Variants in LRRC4B observed in about 807,000 individuals in gnomAD.
LRRC4B encodes the protein leucine rich repeat containing 4B, also known as leucine-rich repeat-containing protein 4B.
LRRC4B carries 1 observed loss-of-function variant against 7.3 expected under a neutral mutation model. The ratio of observed to expected loss-of-function variants is 0.14; its 90% CI spans 0.05 to 0.65. The LOEUF (loss-of-function observed/expected upper bound fraction) is 0.65, where lower values mean the gene tolerates loss of function less well. Ranked by LOEUF, LRRC4B falls within the 30% of genes least tolerant of loss-of-function variation. The probability of loss-of-function intolerance (pLI) is 0.84; values close to 1 mark genes in which losing one functional copy is unlikely to be tolerated. For synonymous variants in LRRC4B, 500 were observed against 499.2 expected (o/e 1.00, Z -0.02); for missense variants, 730 against 1,041.6 (o/e 0.70, Z 4.12).
At chr19:50,567,497 T>C (rs1409044261) in intron 1 of LRRC4B, among the ~76,000 whole-genome samples, 4 of 149,498 alleles carry the variant, frequency 2.7e-5, no homozygotes, top group African/African-American at 9.9e-5. Flanking sequence ...CCCCTCCCCA[T>C]CACTGGCGTG....
chr19:50,537,249 T>C lies in LRRC4B; in HGVS notation c.297+11293A>G, dbSNP rs1240259159. Reference sequence around the variant, plus strand: ...TTACTAACCATGGGACCAGGACCGTTTGCAAGTGTCTTAACTCTCCTATGC... The same window carrying C: ...TTACTAACCATGGGACCAGGACCGTCTGCAAGTGTCTTAACTCTCCTATGC... On this transcript the variant is annotated intron_variant, in intron 2 of 2. Coordinates refer to ENST00000652263, the MANE Select transcript of LRRC4B (RefSeq NM_001080457.2). This position sits in a 1 kb window ranked among gnomAD's most constrained non-coding sequence, Gnocchi z 5.5. 6.6e-6 allele frequency among the ~76,000 whole-genome samples: 1 copy of C among 152,162 alleles called. No individual in the cohort carries two copies. Among genetic ancestry groups the C allele is most frequent in the Middle Eastern group, 3.2e-3 (1 of 316 alleles).
At chr19:50,531,589 G>C (rs1981062438) in intron 2 of LRRC4B, among the ~76,000 whole-genome samples, 1 of 152,214 alleles carries the variant, frequency 6.6e-6, no homozygotes, top group African/African-American at 2.4e-5. Flanking sequence ...TGAAACATGT[G>C]GCATAGGGCT....
chr19:50,566,828 G>A (rs1033066565), intron 1 of LRRC4B, among the ~76,000 whole-genome samples: 5 of 150,356 alleles, frequency 3.3e-5, no homozygotes, highest in Non-Finnish European at 7.4e-5. Context: ...TCTGGGTGAT[G>A]AAAGGTCATA....
intron 2 of LRRC4B, among the ~76,000 whole-genome samples, chr19:50,538,410 C>G (rs892956028): frequency 6.6e-6 from 1 of 152,088 alleles, no homozygotes; most frequent in Non-Finnish European, 1.5e-5. Context: ...AAAAGTCTGT[C>G]CAATCAAAAG....
chr19:50,532,228 T>C (rs1422119673), intron 2 of LRRC4B, among the ~76,000 whole-genome samples: 3 of 152,052 alleles, frequency 2.0e-5, no homozygotes, highest in Admixed American at 1.3e-4. Context: ...AGTGAGACTC[T>C]GTCTCAACAA....
intron 1 of LRRC4B, among the ~76,000 whole-genome samples, chr19:50,557,089 G>T (rs932571652): frequency 4.3e-4 from 65 of 152,252 alleles, no homozygotes; most frequent in Middle Eastern, 3.4e-3. Flanking sequence ...GGGTCCGGGG[G>T]TAGAGGATGA....
chr19:50,529,287 C>T (rs79920072), intron 2 of LRRC4B, among the ~76,000 whole-genome samples: 237 of 152,246 alleles, frequency 1.6e-3, no homozygotes, highest in Admixed American at 3.1e-3. Flanking sequence ...TGGGAGACAG[C>T]GGCTTTGTTT....
intron 1 of LRRC4B, among the ~76,000 whole-genome samples, chr19:50,554,410 C>G (rs1568735033): frequency 6.6e-6 from 1 of 152,132 alleles, no homozygotes. Flanking sequence ...GATACTACAC[C>G]TCAGGTTCCA....
intron 1 of LRRC4B, among the ~76,000 whole-genome samples, chr19:50,560,691 G>A (rs983305003): frequency 1.2e-4 from 18 of 152,222 alleles, no homozygotes; most frequent in East Asian, 3.8e-4. Flanking sequence ...CCCAGGCTCC[G>A]CCTTGCAGTC....
At chr19:50,549,240 T>C (rs781603050) in intron 1 of LRRC4B, among the ~76,000 whole-genome samples, 1 of 152,144 alleles carries the variant, frequency 6.6e-6, no homozygotes, top group Non-Finnish European at 1.5e-5. Flanking sequence ...AAAAGGTAGA[T>C]ACATCAGAGG....
chr19:50,536,714 T>C (rs1981307539), intron 2 of LRRC4B, among the ~76,000 whole-genome samples: 1 of 152,162 alleles, frequency 6.6e-6, no homozygotes, highest in African/African-American at 2.4e-5. Flanking sequence ...AGGATTAAAC[T>C]GTCTCGATAT....
intron 2 of LRRC4B, among the ~76,000 whole-genome samples, chr19:50,528,194 C>T (rs1427665676): frequency 6.6e-6 from 1 of 152,090 alleles, no homozygotes; most frequent in Non-Finnish European, 1.5e-5. Context: ...AGGCACACAC[C>T]ACCATGCCTT....
intron 1 of LRRC4B, among the ~76,000 whole-genome samples, chr19:50,552,972 G>A (rs935155913): frequency 5.9e-5 from 9 of 152,196 alleles, no homozygotes; most frequent in South Asian, 2.1e-4. Context: ...ACCTCGGGCC[G>A]GTGGCTTATT....
Position 50,517,461 on chromosome 19 carries a change from G to T in LRRC4B, c.*110C>A. On this transcript the variant is annotated 3_prime_UTR_variant, in exon 3 of 3. Transcript: ENST00000652263. This position sits in a 1 kb window ranked among gnomAD's most constrained non-coding sequence, Gnocchi z 6.6. ...CCACCTCTCCCCAATTCCCTGCGTG[G>T]TCCCAGAAGGTGGGCTGGGCTGTGG... 9.8e-7 allele frequency: 1 copy of T among 1,019,236 alleles called. No individual in the cohort carries two copies. The highest frequency in any genetic ancestry group is 1.3e-6 in the Non-Finnish European group (1 of 774,906). The allele number at this position is 1,019,236 out of a possible 1,614,324, so 63.1% of individuals were successfully genotyped here.
intron 1 of LRRC4B, among the ~76,000 whole-genome samples, chr19:50,561,288 C>T (rs975063893): frequency 1.1e-4 from 16 of 152,050 alleles, no homozygotes; most frequent in South Asian, 2.1e-4. Context: ...TTGCCCTTCC[C>T]GCAACAAGAT....
chr19:50,568,278 G>GCCTT lies in LRRC4B; in HGVS notation c.-374_-371dup, dbSNP rs920367609. Among the ~76,000 whole-genome samples, 36 of 151,032 alleles carry GCCTT rather than the reference G, an allele frequency of 2.4e-4. No homozygotes were observed. The highest frequency in any genetic ancestry group is 5.8e-4 in the African/African-American group (24 of 41,132). Reference sequence around the variant, plus strand: ...TTCTTTCCTGGCTTCCTTCCTTCCAGCCTTCCTTCCTTCCTTCCTCCCTCC... The same window carrying GCCTT: ...TTCTTTCCTGGCTTCCTTCCTTCCAGCCTTCCTTCCTTCCTTCCTTCCTCCCTCC... On this transcript the variant is annotated 5_prime_UTR_variant, in exon 1 of 3. Transcript: ENST00000652263.
At chr19:50,564,169 T>C (rs1982554737) in intron 1 of LRRC4B, among the ~76,000 whole-genome samples, 1 of 152,008 alleles carries the variant, frequency 6.6e-6, no homozygotes, top group African/African-American at 2.4e-5. Flanking sequence ...GTGGTGGCCC[T>C]TTGCACCTGA....
intron 1 of LRRC4B, among the ~76,000 whole-genome samples, chr19:50,552,511 G>C (rs1268929717): frequency 1.3e-5 from 2 of 151,844 alleles, no homozygotes; most frequent in East Asian, 3.9e-4. Context: ...AAAATCTGCA[G>C]GGCAGCCACG....
In LRRC4B at chr19:50,556,510, G is replaced by C. The variant is rs1171322026; in HGVS notation, c.-35-7637C>G. 1.3e-5 allele frequency among the ~76,000 whole-genome samples: 2 copies of C among 152,098 alleles called. No individual in the cohort carries two copies. The highest frequency in any genetic ancestry group is 4.8e-5 in the African/African-American group (2 of 41,426). On this transcript the variant is annotated intron_variant, in intron 1 of 2. Transcript: ENST00000652263. The surrounding 1 kb of genome is among the most constrained non-coding windows in gnomAD (Gnocchi z 4.2). Reference sequence around the variant, plus strand: ...CTCTGCGTTCCCACGACACCTCCAGGAGGTCTTCTTTGAGCTCCCCCTACC... The same window carrying C: ...CTCTGCGTTCCCACGACACCTCCAGCAGGTCTTCTTTGAGCTCCCCCTACC...
Sources: gnomAD v4.1 joint callset for allele counts (sites outside exome capture counted in the v4.1 genomes callset) on GRCh38, gnomAD v4.1.1 for gene constraint, Gnocchi (gnomAD v3.1) non-coding constraint, MANE v1.5 for transcripts, NCBI Gene and HGNC (gene_info 2026-07-23, HGNC 2026-07-21) for gene names.